SLC6A8: variants seen among roughly 807,000 people sequenced by gnomAD.
The protein encoded by SLC6A8 is solute carrier family 6 member 8.
SLC6A8 carries 6 observed loss-of-function variants against 48.3 expected under a neutral mutation model. That is an observed-to-expected ratio of 0.12 (90% CI 0.07 to 0.25). The LOEUF (loss-of-function observed/expected upper bound fraction) is 0.25, where lower values mean the gene tolerates loss of function less well. Ranked by LOEUF, SLC6A8 falls within the 10% of genes least tolerant of loss-of-function variation. The pLI, the probability that SLC6A8 is intolerant of heterozygous loss-of-function variation, is 1.00. For synonymous variants in SLC6A8, 245 were observed against 244.0 expected (o/e 1.00, Z -0.04); for missense variants, 260 against 551.5 (o/e 0.47, Z 5.29).
intron 2 of SLC6A8, chrX:153,690,915 T>G: frequency 5.3e-6 from 1 of 188,695 alleles, no homozygotes; most frequent in Non-Finnish European, 9.5e-6. Context: ...ACCACCACCA[T>G]CAACACCAGC....
At position 153,694,190 on chromosome X, in the gene SLC6A8, T is replaced by G. The variant is rs782206415; in HGVS notation, c.1315T>G (p.Phe439Val). The G allele has an allele frequency of 5.0e-6, 6 of 1,210,883 alleles. No individual in the cohort carries two copies. The highest frequency in any genetic ancestry group is 6.7e-6 in the Non-Finnish European group (6 of 894,777). The change falls in exon 9 of 13, where the codon TTC becomes GTC. Residue 439 changes from phenylalanine to valine, a missense_variant. Phe to Val is a conservative substitution (Grantham distance 50, BLOSUM62 -1). Around this residue, in one of 7 missense-constraint regions of SLC6A8, gnomAD observed 18 missense variants for 20.2 expected, o/e 0.89. Transcript: ENST00000253122. ...CGACCTCCTCCCGGCCTCCTACTAC[T>G]TCCGTTTCCAAAGGGAGATCTCTGT... ...LLDLLPASYY[F>V]RFQREISVAL... is the part of the protein sequence containing the mutation.
At chrX:153,690,762 C>A (rs1378314070) in intron 2 of SLC6A8, 5 of 383,932 alleles carry the variant, frequency 1.3e-5, no homozygotes, top group Non-Finnish European at 2.3e-5. Context: ...CCCAGCAGCA[C>A]CCTTGGCTCT....
In SLC6A8 at chrX:153,695,620, G is replaced by A. The variant is rs2091486492; in HGVS notation, c.*406G>A. 2 of 202,200 alleles carry A rather than the reference G, an allele frequency of 9.9e-6. No individual in the cohort carries two copies. The highest frequency in any genetic ancestry group is 6.7e-5 in the Admixed American group (1 of 14,856). The allele number at this position is 202,200 out of a possible 1,213,427, so 16.7% of individuals were successfully genotyped here. A position where few individuals can be genotyped will look rare whatever the true frequency, so the allele number is the denominator to read the frequency against. ...GGCAGCTTGGGAAATGTGAGGAAGG[G>A]AAGGAGGGAGAGACGGGAGGGAGGA... On this transcript the variant is annotated 3_prime_UTR_variant, in exon 13 of 13. Transcript: ENST00000253122.
intron 4 of SLC6A8, chrX:153,692,634 T>A: frequency 2.9e-6 from 1 of 343,364 alleles, no homozygotes; most frequent in Non-Finnish European, 5.6e-6. Context: ...CTCCACCTGC[T>A]CAACCCCCAC....
rs1557043828 is a variant in SLC6A8, at chrX:153,688,709, C to T, written c.135C>T (p.Gly45=). Residue 45 remains glycine (G), a synonymous_variant, in exon 1 of 13, where the codon GGC becomes GGT. Transcript: ENST00000253122. The part of the protein sequence containing the change: ...DGPVGLGTPG[G]RLAVPPRETW... ...CCGTGGGCCTGGGGACACCCGGCGG[C>T]CGCCTGGCCGTGCCGCCGCGCGAGA... The T allele has an allele frequency of 8.9e-7, 1 of 1,128,722 alleles. No individual in the cohort carries two copies. Among genetic ancestry groups the T allele is most frequent in the Non-Finnish European group, 1.2e-6 (1 of 852,141 alleles). The allele number at this position is 1,128,722 out of a possible 1,213,427, so 93.0% of individuals were successfully genotyped here.
At chrX:153,693,856 CAGGGCAGGACATCGGCTACA>C (rs1464639013) in intron 7 of SLC6A8, 29 bp from the exon 8 acceptor site, 14 of 1,008,101 alleles carry the variant, frequency 1.4e-5, no homozygotes, top group Non-Finnish European at 1.4e-5. Flanking sequence ...AGGGTGCGCA[CAGGGCAGGACATCGGCTACA>C]AGGTCTAGAG....
At chrX:153,692,866 T>TGGCCAGGGCTGCCGG (rs1569539333) in intron 4 of SLC6A8, 175 bp from the exon 5 acceptor site, 5 of 608,911 alleles carry the variant, frequency 8.2e-6, no homozygotes, top group African/African-American at 2.2e-5. Flanking sequence ...CCACTGCACT[T>TGGCCAGGGCTGCCGG]GGCCAGGGCT....
chrX:153,692,446 C>T (rs1557044678), intron 4 of SLC6A8: 1 of 358,106 alleles, frequency 2.8e-6, no homozygotes, highest in Non-Finnish European at 5.3e-6. Flanking sequence ...AGTCTGGCCA[C>T]ATCCCTTGGG....
chrX:153,692,230 A>G (rs1557044615), intron 4 of SLC6A8, 123 bp downstream of exon 4: 1 of 752,393 alleles, frequency 1.3e-6, no homozygotes, highest in Non-Finnish European at 2.0e-6. Flanking sequence ...AGGGGGAGGT[A>G]CTGAAAGCCA....
At chrX:153,692,201 C>CA (rs199498083) in intron 4 of SLC6A8, 94 bp downstream of exon 4, 103,901 of 922,376 alleles carry the variant, frequency 0.11, 4,366 homozygotes, top group South Asian at 0.17. Context: ...GGTGACCAGA[C>CA]AGAGTCTAGC....
chrX:153,688,915 G>C (rs1557043897), intron 1 of SLC6A8, 79 bp downstream of exon 1: 1 of 609,891 alleles, frequency 1.6e-6, no homozygotes, highest in East Asian at 5.5e-5. Context: ...CGCCGCGGAG[G>C]GGTGAAGTCC....
At position 153,693,112 on chromosome X, in the gene SLC6A8, T is replaced by G. The variant is rs1477427450; in HGVS notation, c.849T>G (p.Pro283=). 8.3e-7 allele frequency: 1 copy of G among 1,209,129 alleles called. No individual in the cohort carries two copies. The highest frequency in any genetic ancestry group is 1.7e-5 in the African/African-American group (1 of 57,299). Reference sequence around the variant, plus strand: ...TGCTGGTGCGTGGAGTGCTGCTGCCTGGCGCCCTGGATGGCATCATTTACT... The same window carrying G: ...TGCTGGTGCGTGGAGTGCTGCTGCCGGGCGCCCTGGATGGCATCATTTACT... The part of the protein sequence containing the change: ...VVLLVRGVLL[P]GALDGIIYYL... The change falls in exon 5 of 13, where the codon CCT becomes CCG. Residue 283 remains proline, a synonymous_variant. Transcript: ENST00000253122.
intron 2 of SLC6A8, chrX:153,690,903 C>G (rs28603260): frequency 1.3e-3 from 297 of 228,840 alleles, no homozygotes; most frequent in African/African-American, 5.4e-3. Flanking sequence ...CCCCCCCCCC[C>G]CACCACCACC....
chrX:153,691,943 C>G (rs1249782515), intron 3 of SLC6A8, 32 bp from the exon 4 acceptor site: 6 of 1,171,052 alleles, frequency 5.1e-6, no homozygotes. Context: ...TCTGCTGGCA[C>G]AGGCCTCATG....
chrX:153,694,957 C>G lies in SLC6A8; in HGVS notation c.1767+68C>G, dbSNP rs1426723871. On this transcript the variant is annotated intron_variant, in intron 12 of 12. Coordinates refer to ENST00000253122, the MANE Select transcript of SLC6A8 (RefSeq NM_005629.4). ...ACATTCAACCCAGCCTGCTTCCTAGCCAGGGAGTGGCCCCGACTAGGGTGG... is the reference window on the plus strand; with the variant it reads ...ACATTCAACCCAGCCTGCTTCCTAGGCAGGGAGTGGCCCCGACTAGGGTGG... 3.7e-6 allele frequency: 4 copies of G among 1,068,218 alleles called. No individual in the cohort carries two copies. The Admixed American group carries it at 1.1e-4, about 29-fold the overall frequency. 88.0% of individuals were successfully genotyped at this position (1,068,218 alleles called of 1,213,427 possible). A position where few individuals can be genotyped will look rare whatever the true frequency, so the allele number is the denominator to read the frequency against.
At chrX:153,688,951 C>CG (rs1557043909) in intron 1 of SLC6A8, 115 bp downstream of exon 1, 1 of 292,759 alleles carries the variant, frequency 3.4e-6, no homozygotes, top group African/African-American at 2.9e-5. Flanking sequence ...CCCGGGCACG[C>CG]GGGGGTCGGG....
rs782751387 is a variant in SLC6A8, at chrX:153,690,892, A to ACAC, written c.394+387_394+388insACC. 3.6e-4 allele frequency: 60 copies of ACAC among 168,414 alleles called. 1 individual carries two copies. The highest frequency in any genetic ancestry group is 2.9e-3 in the African/African-American group (54 of 18,880). The allele number at this position is 168,414 out of a possible 1,213,427, so 13.9% of individuals were successfully genotyped here. A position where few individuals can be genotyped will look rare whatever the true frequency, so the allele number is the denominator to read the frequency against. On this transcript the variant is annotated intron_variant, in intron 2 of 12. Transcript: ENST00000253122. ...CCAACACTACCTCAGGCGACTAGAA[A>ACAC]CCCCCCCCCCCCACCACCACCATCA...
At chrX:153,690,558 C>T (rs369290313) in intron 2 of SLC6A8, 52 bp downstream of exon 2, 195 of 1,140,596 alleles carry the variant, frequency 1.7e-4, no homozygotes, top group Non-Finnish European at 2.3e-4. Context: ...CCAGCTGGCT[C>T]CCACTTGAGA....
chrX:153,694,820 G>C lies in SLC6A8; in HGVS notation c.1698G>C (p.Leu566=), dbSNP rs782287646. 13 of 1,208,956 alleles carry C rather than the reference G, an allele frequency of 1.1e-5. No homozygotes were observed. The East Asian group carries it at 3.8e-4, about 36-fold the overall frequency. ...AGGCCATGGGCTGGGCCTTCGCCCT[G>C]TCCTCCATGCTGTGCGTGCCGCTGC... ...WGEAMGWAFA[L]SSMLCVPLHL... The change falls in exon 12 of 13, where the codon CTG becomes CTC. Residue 566 remains leucine (L), a synonymous_variant. Transcript: ENST00000253122.
Sources: gnomAD v4.1 joint callset for allele counts on GRCh38, gnomAD v4.1.1 for gene constraint, gnomAD v4.1.1 regional missense constraint, MANE v1.5 for transcripts, NCBI Gene and HGNC (gene_info 2026-07-23, HGNC 2026-07-21) for gene names.